The following CD36 variants were observed in gnomAD, a reference collection of about 807,000 sequenced individuals.
The protein encoded by CD36 is platelet glycoprotein 4.
In CD36, 119 loss-of-function variants were observed where a neutral mutation model predicts 55.2. The observed-to-expected ratio is 2.15, with a 90% CI of 1.86 to 2.51. CD36 has a LOEUF of 2.51. CD36 is among the 30% of genes most tolerant of loss of function. The pLI is 0.00. For missense variants in CD36, 819 were observed against 555.5 expected, an observed-to-expected ratio of 1.47 and a Z score of -4.77; for synonymous variants, 186 against 193.6, an observed-to-expected ratio of 0.96 and a Z score of 0.33.
At chr7:80,609,285 A>G (rs1391398081) in intron 1 of CD36, among the ~76,000 whole-genome samples, 1 of 152,104 alleles carries the variant, frequency 6.6e-6, no homozygotes, top group African/African-American at 2.4e-5. Flanking sequence ...CCCCAGTTGT[A>G]TGTTTATTAT....
intron 1 of CD36, among the ~76,000 whole-genome samples, chr7:80,631,755 A>C (rs1001412617): frequency 6.6e-6 from 1 of 151,708 alleles, no homozygotes; most frequent in African/African-American, 2.4e-5. Flanking sequence ...ATATAAACAA[A>C]GTGATTTAAA....
chr7:80,657,384 C>G (rs975998972), intron 4 of CD36, among the ~76,000 whole-genome samples: 1 of 152,154 alleles, frequency 6.6e-6, no homozygotes, highest in South Asian at 2.1e-4. Flanking sequence ...TTACATTGAT[C>G]TATTTTAGTT....
rs1445635975 is a variant in CD36, at chr7:80,661,076, GC to G, written c.297del (p.Lys100ArgfsTer4). The G allele has an allele frequency of 1.9e-6, 3 of 1,613,498 alleles. No individual in the cohort carries two copies. The African/African-American group carries it at 4.0e-5, about 22-fold the overall frequency. On this transcript the variant is annotated frameshift_variant, in exon 5 of 15. Transcript: ENST00000447544. LOFTEE classifies it high-confidence loss of function. ...CTATTTCTTTAGAGTTCGTTTTCTA[GC>G]CAAGGAAAATGTAACCCAGGACGCT... ...GPYTYRVRFL[A>X]KENVTQDAED...
upstream of CD36, among the ~76,000 whole-genome samples, chr7:80,635,280 T>TTTTTGA (rs1472116068): frequency 6.6e-6 from 1 of 151,764 alleles, no homozygotes; most frequent in East Asian, 1.9e-4. Context: ...TTTGTTGTTG[T>TTTTTGA]TTTTGTTTTT....
intron 5 of CD36, among the ~76,000 whole-genome samples, chr7:80,661,961 G>C (rs889864209): frequency 6.6e-6 from 1 of 152,160 alleles, no homozygotes; most frequent in African/African-American, 2.4e-5. Flanking sequence ...AAGGGCATTT[G>C]GTGCTCACCA....
At chr7:80,627,281 C>A (rs1455734440) in intron 1 of CD36, among the ~76,000 whole-genome samples, 1 of 152,068 alleles carries the variant, frequency 6.6e-6, no homozygotes, top group East Asian at 1.9e-4. Context: ...ATCAGTTCAA[C>A]TAGGCTATGC....
intron 9 of CD36, 189 bp from the exon 10 acceptor site, chr7:80,670,788 G>T: frequency 1.7e-6 from 1 of 588,736 alleles, no homozygotes; most frequent in Non-Finnish European, 3.0e-6. Flanking sequence ...TCACAAACAA[G>T]AATAGTTCAT....
chr7:80,658,106 G>C (rs769121819), intron 4 of CD36, among the ~76,000 whole-genome samples: 109 of 152,172 alleles, frequency 7.2e-4, no homozygotes, highest in Admixed American at 2.7e-3. Flanking sequence ...GGGTGTCTCT[G>C]TGCGCATCTG....
At chr7:80,652,591 G>A (rs757463680) in intron 3 of CD36, among the ~76,000 whole-genome samples, 28 of 152,294 alleles carry the variant, frequency 1.8e-4, no homozygotes, top group Non-Finnish European at 3.4e-4. Flanking sequence ...AATGGTAGCA[G>A]CTAGTGGGAA....
intron 7 of CD36, among the ~76,000 whole-genome samples, chr7:80,665,408 C>T (rs1796977967): frequency 1.2e-5 from 1 of 82,506 alleles, no homozygotes; most frequent in African/African-American, 2.8e-5. Flanking sequence ...TAAAGTAACC[C>T]CTACCTCAAA....
At chr7:80,665,723 C>G (rs1797018762) in intron 7 of CD36, among the ~76,000 whole-genome samples, 2 of 152,008 alleles carry the variant, frequency 1.3e-5, no homozygotes, top group Admixed American at 1.3e-4. Context: ...ACATGATTAA[C>G]CACTTATTTT....
At chr7:80,674,271 A>G in intron 14 of CD36, 124 bp downstream of exon 14, 1 of 669,554 alleles carries the variant, frequency 1.5e-6, no homozygotes, top group Non-Finnish European at 2.6e-6. Flanking sequence ...GCCACTGATC[A>G]TTTTTAAATA....
upstream of CD36, among the ~76,000 whole-genome samples, chr7:80,634,422 A>G (rs1005391628): frequency 3.3e-5 from 5 of 152,244 alleles, no homozygotes; most frequent in East Asian, 9.7e-4. Context: ...ATCTACTACT[A>G]TAAGATATTC....
At chr7:80,650,213 A>G (rs139337987) in intron 3 of CD36, among the ~76,000 whole-genome samples, 36 of 152,126 alleles carry the variant, frequency 2.4e-4, no homozygotes, top group Middle Eastern at 6.8e-3. Flanking sequence ...ATAGACTAAG[A>G]CTCATCATCA....
In CD36 at chr7:80,673,963, G is replaced by T; in HGVS notation, c.1255-20G>T. ...TTTACTAACGTACCCAAATAATGTTGATTATTAACTTGATTACAGACTGGG... is the reference window on the plus strand; with the variant it reads ...TTTACTAACGTACCCAAATAATGTTTATTATTAACTTGATTACAGACTGGG... On this transcript the variant is annotated intron_variant, in intron 13 of 14. Coordinates refer to ENST00000447544, the MANE Select transcript of CD36 (RefSeq NM_001001548.3). 1 of 1,598,204 alleles carries T rather than the reference G, an allele frequency of 6.3e-7. No individual in the cohort carries two copies. Among genetic ancestry groups the T allele is most frequent in the Non-Finnish European group, 8.6e-7 (1 of 1,166,816 alleles).
At chr7:80,666,787 A>C (rs1797133570) in intron 8 of CD36, among the ~76,000 whole-genome samples, 1 of 152,258 alleles carries the variant, frequency 6.6e-6, no homozygotes. Flanking sequence ...ACAAACAACA[A>C]CACAAAACAC....
chr7:80,672,297 G>A (rs1797767673), intron 11 of CD36, among the ~76,000 whole-genome samples: 1 of 151,734 alleles, frequency 6.6e-6, no homozygotes, highest in Admixed American at 6.6e-5. Context: ...AAGAGTATAT[G>A]TGAGTTTGAC....
intron 1 of CD36, among the ~76,000 whole-genome samples, chr7:80,621,027 T>G (rs1488583244): frequency 6.6e-6 from 1 of 152,196 alleles, no homozygotes; most frequent in Non-Finnish European, 1.5e-5. Flanking sequence ...GCAAACTTTA[T>G]TGTCTCATTT....
intron 1 of CD36, among the ~76,000 whole-genome samples, chr7:80,622,677 C>G (rs1016414940): frequency 1.3e-5 from 2 of 152,158 alleles, no homozygotes; most frequent in African/African-American, 4.8e-5. Context: ...GTATTCTACA[C>G]AGAAGTAGGG....
Sources: gnomAD v4.1 joint callset for allele counts (sites outside exome capture counted in the v4.1 genomes callset) on GRCh38, gnomAD v4.1.1 for gene constraint, MANE v1.5 for transcripts, NCBI Gene and HGNC (gene_info 2026-07-23, HGNC 2026-07-21) for gene names.